Variants in GLRA2 observed in about 807,000 individuals in gnomAD.
The protein encoded by GLRA2 is glycine receptor alpha 2.
In GLRA2, 11 loss-of-function variants were observed where a neutral mutation model predicts 31.6. The observed-to-expected ratio is 0.35, with a 90% CI of 0.22 to 0.58. GLRA2 has a LOEUF of 0.58. Among genes scored for constraint, GLRA2 ranks in the 20% least tolerant of loss-of-function variants. GLRA2 has a pLI of 0.84. For missense variants in GLRA2, 212 were observed against 351.8 expected (o/e 0.60, Z 3.18); for synonymous variants, 132 against 134.0 (o/e 0.99, Z 0.10).
Position 14,696,602 on chromosome X carries a change from G to A in GLRA2, c.1080+5743G>A, listed in dbSNP as rs772756470. ...ATGCTAAAGTCATCAACTAATAAAG[G>A]AGTACAACTAATAAAGGGTAACAGC... On this transcript the variant is annotated intron_variant, in intron 8 of 8. Coordinates refer to ENST00000218075, the MANE Select transcript of GLRA2 (RefSeq NM_002063.4). 8.1e-5 allele frequency among the ~76,000 whole-genome samples: 9 copies of A among 111,593 alleles called. No individual in the cohort carries two copies. In the South Asian group the frequency reaches 3.4e-3, roughly 42 times the overall value.
At chrX:14,699,932 A>G (rs1444032784) in intron 8 of GLRA2, among the ~76,000 whole-genome samples, 1 of 112,061 alleles carries the variant, frequency 8.9e-6, no homozygotes, top group Non-Finnish European at 1.9e-5. Flanking sequence ...AATGATGAGA[A>G]CGCAGGGACA....
the GLRA2 span, among the ~76,000 whole-genome samples, chrX:14,486,981 G>A: frequency 1.8e-5 from 2 of 110,601 alleles, no homozygotes; most frequent in Non-Finnish European, 3.8e-5. Flanking sequence ...GCATATGAAG[G>A]GATCAGACAG....
intron 7 of GLRA2, among the ~76,000 whole-genome samples, chrX:14,670,122 C>T (rs758754856): frequency 5.4e-5 from 6 of 111,946 alleles, no homozygotes; most frequent in Middle Eastern, 4.7e-3. Context: ...CAAAATGCCT[C>T]CAGTCTCTTT....
At chrX:14,543,376 A>G in intron 2 of GLRA2, among the ~76,000 whole-genome samples, 1 of 110,327 alleles carries the variant, frequency 9.1e-6, no homozygotes, top group Admixed American at 9.7e-5. Context: ...ACTCACCCAG[A>G]GAACTTGGAT....
intron 7 of GLRA2, among the ~76,000 whole-genome samples, chrX:14,670,501 G>A (rs917143650): frequency 3.6e-5 from 4 of 111,969 alleles, no homozygotes; most frequent in African/African-American, 1.3e-4. Context: ...ATAGTCCCAC[G>A]TGGCTGGGGA....
chrX:14,512,345 C>G, the GLRA2 span, among the ~76,000 whole-genome samples: 2 of 111,261 alleles, frequency 1.8e-5, no homozygotes, highest in African/African-American at 3.3e-5. Context: ...AAAGCATTTC[C>G]CCTGAAAACT....
intron 2 of GLRA2, among the ~76,000 whole-genome samples, chrX:14,547,778 C>T (rs1291628323): frequency 6.3e-5 from 7 of 111,434 alleles, no homozygotes; most frequent in Non-Finnish European, 1.3e-4. Context: ...TAGAAAGCCT[C>T]TCTTAAACTA....
At chrX:14,534,210 C>A (rs1601685650) in intron 2 of GLRA2, among the ~76,000 whole-genome samples, 1 of 92,517 alleles carries the variant, frequency 1.1e-5, no homozygotes. Flanking sequence ...AAAGTGTGGC[C>A]ATGTTTTTTT....
At chrX:14,466,373 G>T in the GLRA2 span, among the ~76,000 whole-genome samples, 2 of 111,540 alleles carry the variant, frequency 1.8e-5, no homozygotes, top group South Asian at 7.5e-4. Flanking sequence ...TGTAAATCTA[G>T]AGGATGATTA....
intron 4 of GLRA2, among the ~76,000 whole-genome samples, chrX:14,585,481 T>C (rs904122800): frequency 1.8e-5 from 2 of 111,992 alleles, no homozygotes; most frequent in African/African-American, 3.2e-5. Context: ...TGGGCTCAAT[T>C]TAACTAGAGG....
At chrX:14,545,076 A>G (rs1198993061) in intron 2 of GLRA2, among the ~76,000 whole-genome samples, 1 of 112,019 alleles carries the variant, frequency 8.9e-6, no homozygotes, top group Non-Finnish European at 1.9e-5. Context: ...ATTTGAGACA[A>G]AGTATCCACA....
chrX:14,691,409 A>G (rs1449998148), intron 8 of GLRA2, among the ~76,000 whole-genome samples: 1 of 110,441 alleles, frequency 9.1e-6, no homozygotes, highest in Non-Finnish European at 1.9e-5. Flanking sequence ...TGCCGTACCC[A>G]TGTAGATTGC....
At chrX:14,581,110 G>C in intron 3 of GLRA2, 73 bp from the exon 4 acceptor site, 1 of 642,094 alleles carries the variant, frequency 1.6e-6, no homozygotes, top group Non-Finnish European at 2.6e-6. Context: ...TCAGGGAGAA[G>C]AATGAGAGAG....
chrX:14,502,038 C>T, the GLRA2 span, among the ~76,000 whole-genome samples: 21 of 111,537 alleles, frequency 1.9e-4, no homozygotes, highest in East Asian at 5.6e-3. Context: ...CTCATTTAGC[C>T]TTAAGTACTT....
At chrX:14,714,083 A>AC (rs1270699315) in intron 8 of GLRA2, among the ~76,000 whole-genome samples, 1 of 110,629 alleles carries the variant, frequency 9.0e-6, no homozygotes, top group African/African-American at 3.3e-5. Flanking sequence ...TGAAGCTTGA[A>AC]CTGATTCTAT....
chrX:14,570,187 T>C (rs182988595), intron 2 of GLRA2, among the ~76,000 whole-genome samples: 4 of 112,104 alleles, frequency 3.6e-5, no homozygotes, highest in African/African-American at 1.3e-4. Context: ...GGTTGCACAA[T>C]ATTGTGAATG....
chrX:14,580,434 C>G (rs1353261521), intron 3 of GLRA2, among the ~76,000 whole-genome samples: 1 of 110,988 alleles, frequency 9.0e-6, no homozygotes, highest in African/African-American at 3.3e-5. Context: ...AGTAGAAGTC[C>G]CCAGAAGAGC....
At chrX:14,633,041 GA>G (rs904704432) in intron 7 of GLRA2, among the ~76,000 whole-genome samples, 17 of 111,413 alleles carry the variant, frequency 1.5e-4, no homozygotes, top group South Asian at 1.1e-3. Flanking sequence ...TAGACAACAT[GA>G]AAACAAATGA....
intron 2 of GLRA2, among the ~76,000 whole-genome samples, chrX:14,540,947 AAG>A (rs1265265288): frequency 9.2e-6 from 1 of 108,979 alleles, no homozygotes. Context: ...AGGGGAGAGA[AAG>A]AGAGAAAGGA....
Sources: gnomAD v4.1 joint callset for allele counts (sites outside exome capture counted in the v4.1 genomes callset) on GRCh38, gnomAD v4.1.1 for gene constraint, MANE v1.5 for transcripts, NCBI Gene and HGNC (gene_info 2026-07-23, HGNC 2026-07-21) for gene names.